VRK2: variants seen among roughly 807,000 people sequenced by gnomAD.
VRK2 encodes the protein VRK serine/threonine kinase 2.
Under a neutral mutation model 57.6 loss-of-function variants are expected in VRK2, and 60 were observed. The ratio of observed to expected loss-of-function variants is 1.04; its 90% CI spans 0.85 to 1.29. The LOEUF (loss-of-function observed/expected upper bound fraction) is 1.29, where lower values mean the gene tolerates loss of function less well. VRK2 is among the 50% of genes most tolerant of loss of function. The probability of loss-of-function intolerance (pLI) is 0.00; values close to 1 mark genes in which losing one functional copy is unlikely to be tolerated. For synonymous variants in VRK2, 231 were observed against 199.2 expected (o/e 1.16, Z -1.35); for missense variants, 705 against 588.1 (o/e 1.20, Z -2.06).
At chr2:58,057,482 G>C (rs1466605376) in intron 2 of VRK2, among the ~76,000 whole-genome samples, 1 of 144,106 alleles carries the variant, frequency 6.9e-6, no homozygotes, top group Non-Finnish European at 1.5e-5. Context: ...AATGGACATT[G>C]TGTTAAGACA....
intron 1 of VRK2, among the ~76,000 whole-genome samples, chr2:57,970,198 A>G (rs1195603296): frequency 2.1e-5 from 3 of 145,722 alleles, no homozygotes; most frequent in Non-Finnish European, 3.0e-5. Context: ...AACATTATTA[A>G]TATTTATATT....
chr2:58,093,593 A>G (rs565180990), intron 7 of VRK2, among the ~76,000 whole-genome samples: 1 of 152,256 alleles, frequency 6.6e-6, no homozygotes, highest in South Asian at 2.1e-4. Flanking sequence ...GGTTGCGGAA[A>G]TGTTCTCCCA....
At chr2:58,078,876 G>A (rs115903989) in intron 2 of VRK2, among the ~76,000 whole-genome samples, 2,024 of 152,210 alleles carry the variant, frequency 0.013, 32 homozygotes, top group East Asian at 0.077. Flanking sequence ...GTAACTCTGT[G>A]TTGCCCAAAC....
chr2:58,145,343 T>A (rs1681952379), intron 11 of VRK2, among the ~76,000 whole-genome samples: 2 of 151,990 alleles, frequency 1.3e-5, no homozygotes, highest in Admixed American at 6.6e-5. Flanking sequence ...GTTATTCATC[T>A]TGCTCAAAGG....
At chr2:57,916,233 C>A (rs1459414667) in intron 1 of VRK2, among the ~76,000 whole-genome samples, 1 of 152,006 alleles carries the variant, frequency 6.6e-6, no homozygotes, top group Non-Finnish European at 1.5e-5. Context: ...ATGGAGAAAA[C>A]CCATCTCTAC....
chr2:58,150,758 A>T (rs1486903790), intron 12 of VRK2, among the ~76,000 whole-genome samples: 1 of 151,206 alleles, frequency 6.6e-6, no homozygotes, highest in Non-Finnish European at 1.5e-5. Flanking sequence ...TTTCTAACGT[A>T]TATAGTTAAA....
intron 7 of VRK2, among the ~76,000 whole-genome samples, chr2:58,119,811 G>T (rs968299837): frequency 6.6e-6 from 1 of 151,298 alleles, no homozygotes; most frequent in Non-Finnish European, 1.5e-5. Flanking sequence ...ATTTTGAACC[G>T]TATGCTAAGC....
chr2:58,060,713 T>A (rs1677199988), intron 2 of VRK2, among the ~76,000 whole-genome samples: 1 of 151,914 alleles, frequency 6.6e-6, no homozygotes, highest in Non-Finnish European at 1.5e-5. Flanking sequence ...GCATAAAGAT[T>A]AGAAAGTGCT....
chr2:57,982,330 C>T (rs745699440), intron 1 of VRK2, among the ~76,000 whole-genome samples: 4 of 152,258 alleles, frequency 2.6e-5, no homozygotes, highest in African/African-American at 7.2e-5. Context: ...GTGCTCTGGG[C>T]GGAGGGTGGC....
intron 2 of VRK2, among the ~76,000 whole-genome samples, chr2:58,080,618 C>G (rs899633511): frequency 2.0e-5 from 3 of 151,644 alleles, no homozygotes; most frequent in Non-Finnish European, 2.9e-5. Flanking sequence ...AAGTTCATAT[C>G]TAATCATTCT....
chr2:57,975,625 GT>G (rs981107259), intron 1 of VRK2, among the ~76,000 whole-genome samples: 1 of 151,962 alleles, frequency 6.6e-6, no homozygotes, highest in Non-Finnish European at 1.5e-5. Context: ...CCAGTAGGAA[GT>G]TTTTCAGGCC....
intron 7 of VRK2, among the ~76,000 whole-genome samples, chr2:58,109,426 A>G (rs1284868544): frequency 6.6e-6 from 1 of 151,500 alleles, no homozygotes; most frequent in Non-Finnish European, 1.5e-5. Flanking sequence ...CCATTCCCAT[A>G]CTGCTATGAA....
At chr2:58,077,378 C>G (rs1670264918) in intron 2 of VRK2, among the ~76,000 whole-genome samples, 1 of 151,976 alleles carries the variant, frequency 6.6e-6, no homozygotes, top group East Asian at 1.9e-4. Context: ...GGATATTTTT[C>G]CTAAATCCTA....
upstream of VRK2, among the ~76,000 whole-genome samples, chr2:58,043,046 C>T (rs1177817787): frequency 6.6e-6 from 1 of 152,116 alleles, no homozygotes; most frequent in Non-Finnish European, 1.5e-5. Flanking sequence ...ATAGGTTTAC[C>T]TGCTCCTGTT....
chr2:57,942,577 T>TG (rs35185782), intron 1 of VRK2, among the ~76,000 whole-genome samples: 45,675 of 152,096 alleles, frequency 0.3, 8,027 homozygotes, highest in East Asian at 0.42. Context: ...TTTATGTGTA[T>TG]GTGGGCACGT....
intron 8 of VRK2, among the ~76,000 whole-genome samples, chr2:58,125,571 T>C (rs1444932533): frequency 1.3e-5 from 2 of 152,006 alleles, no homozygotes; most frequent in Non-Finnish European, 2.9e-5. Flanking sequence ...TGGGATTTGC[T>C]GAAAAGTTAT....
chr2:58,013,257 T>C (rs907468867), intron 1 of VRK2, among the ~76,000 whole-genome samples: 11 of 152,224 alleles, frequency 7.2e-5, no homozygotes, highest in African/African-American at 2.2e-4. Flanking sequence ...AGTACATAAC[T>C]TGTATGCATT....
chr2:58,137,678 G>T (rs1042389148), intron 10 of VRK2, among the ~76,000 whole-genome samples: 1 of 152,068 alleles, frequency 6.6e-6, no homozygotes, highest in African/African-American at 2.4e-5. Flanking sequence ...CCAGAAGTTT[G>T]CAGCATACAT....
intron 1 of VRK2, among the ~76,000 whole-genome samples, chr2:58,019,887 A>G (rs1673697492): frequency 6.6e-6 from 1 of 152,232 alleles, no homozygotes; most frequent in Admixed American, 6.5e-5. Flanking sequence ...CAAACTTTTT[A>G]GAAGGCGAAT....
Sources: allele counts gnomAD v4.1 joint callset (sites outside exome capture counted in the v4.1 genomes callset), GRCh38; gene constraint gnomAD v4.1.1; transcripts MANE v1.5; gene names NCBI Gene and HGNC (gene_info 2026-07-23, HGNC 2026-07-21).